Variants in GALNTL6 observed in about 807,000 individuals in gnomAD.
GALNTL6 encodes the protein polypeptide N-acetylgalactosaminyltransferase like 6.
In GALNTL6, 46 loss-of-function variants were observed where a neutral mutation model predicts 73.7. That is an observed-to-expected ratio of 0.62 (90% CI 0.49 to 0.80). The LOEUF is 0.80. GALNTL6 is among the 30% of genes least tolerant of loss of function. The probability of loss-of-function intolerance (pLI) is 0.00; values close to 1 mark genes in which losing one functional copy is unlikely to be tolerated. For synonymous variants in GALNTL6, 259 were observed against 263.7 expected (o/e 0.98, Z 0.17); for missense variants, 604 against 755.0 (o/e 0.80, Z 2.34).
intron 5 of GALNTL6, among the ~76,000 whole-genome samples, chr4:172,641,478 G>A (rs1463660352): frequency 6.6e-6 from 1 of 152,028 alleles, no homozygotes; most frequent in Non-Finnish European, 1.5e-5. Flanking sequence ...AAACACACCA[G>A]TCATGCTCCT....
chr4:172,537,973 C>A (rs1735407630), intron 5 of GALNTL6, among the ~76,000 whole-genome samples: 1 of 152,112 alleles, frequency 6.6e-6, no homozygotes, highest in Admixed American at 6.6e-5. Context: ...AGAATAGTCA[C>A]CTCCCCAAGA....
rs542186073 is a variant in GALNTL6 at position 172,209,260 on chromosome 4, A to G, written c.139-20396A>G. Among the ~76,000 whole-genome samples the G allele has an allele frequency of 2.5e-4, 38 of 152,206 alleles. No homozygotes were observed. The East Asian group carries it at 6.9e-3, about 28-fold the overall frequency. On this transcript the variant is annotated intron_variant, in intron 2 of 12. Transcript: ENST00000506823. The stretch of plus-strand genomic sequence containing the variant: ...CAGAGATTCTATGAGATATTTTAGC[A>G]TTCTGGAAATTATCCATGACAAGCT...
intron 2 of GALNTL6, among the ~76,000 whole-genome samples, chr4:172,079,919 T>C (rs1040564318): frequency 9.9e-5 from 15 of 152,260 alleles, no homozygotes; most frequent in African/African-American, 3.6e-4. Context: ...AATGTTTATG[T>C]GGTTAAATCT....
chr4:172,971,008 A>G (rs901524707), intron 10 of GALNTL6, among the ~76,000 whole-genome samples: 3 of 152,200 alleles, frequency 2.0e-5, no homozygotes, highest in African/African-American at 7.2e-5. Context: ...TGTCCGTGAA[A>G]TCTTCACAAT....
chr4:172,552,848 A>AAAAAAAAAC (rs1736009655), intron 5 of GALNTL6, among the ~76,000 whole-genome samples: 2 of 150,352 alleles, frequency 1.3e-5, no homozygotes, highest in Admixed American at 6.6e-5. Context: ...AAAAAAAAAA[A>AAAAAAAAAC]AAAAAAAAAG....
intron 3 of GALNTL6, among the ~76,000 whole-genome samples, chr4:172,280,175 A>G (rs1738992523): frequency 6.6e-6 from 1 of 152,234 alleles, no homozygotes; most frequent in Non-Finnish European, 1.5e-5. Context: ...ACCCAAACAT[A>G]TTTATCACTA....
At chr4:172,365,718 A>C (rs1742533810) in intron 5 of GALNTL6, among the ~76,000 whole-genome samples, 1 of 152,044 alleles carries the variant, frequency 6.6e-6, no homozygotes, top group Non-Finnish European at 1.5e-5. Flanking sequence ...AAAAAAAAAA[A>C]AAATCAAAAT....
chr4:171,963,263 G>A (rs1739284190), intron 2 of GALNTL6, among the ~76,000 whole-genome samples: 1 of 152,090 alleles, frequency 6.6e-6, no homozygotes, highest in Non-Finnish European at 1.5e-5. Flanking sequence ...AGCAAATGAT[G>A]TAGCTAGGAG....
chr4:172,872,329 CTATACTTCTGATTTTGATGAAT>C (rs1744989978), intron 7 of GALNTL6, among the ~76,000 whole-genome samples: 2 of 152,108 alleles, frequency 1.3e-5, no homozygotes, highest in African/African-American at 2.4e-5. Context: ...AAACAGCATC[CTATACTTCTGATTTTGATGAAT>C]TTTGACTGCC....
chr4:171,892,555 A>G (rs1034997818), intron 2 of GALNTL6, among the ~76,000 whole-genome samples: 3 of 152,136 alleles, frequency 2.0e-5, no homozygotes, highest in African/African-American at 7.2e-5. Context: ...CATTTATAAT[A>G]TAATAATTAC....
intron 2 of GALNTL6, among the ~76,000 whole-genome samples, chr4:171,969,962 G>A (rs1274546707): frequency 6.6e-6 from 1 of 152,044 alleles, no homozygotes; most frequent in Non-Finnish European, 1.5e-5. Flanking sequence ...GTAGACACGG[G>A]ATTTCACCAT....
chr4:172,765,571 CA>C (rs1738359495), intron 5 of GALNTL6, among the ~76,000 whole-genome samples: 1 of 151,826 alleles, frequency 6.6e-6, no homozygotes, highest in African/African-American at 2.4e-5. Context: ...ATTAATTGTC[CA>C]AAAATTAGCT....
chr4:172,006,696 TG>T (rs1234231034), intron 2 of GALNTL6, among the ~76,000 whole-genome samples: 2 of 152,134 alleles, frequency 1.3e-5, no homozygotes, highest in South Asian at 4.2e-4. Context: ...CTAAAGTTCT[TG>T]GGGGGAATAT....
chr4:172,155,259 A>G lies in GALNTL6; in HGVS notation c.139-74397A>G, dbSNP rs187599426. Among the ~76,000 whole-genome samples, 9 of 152,272 alleles carry G rather than the reference A, an allele frequency of 5.9e-5. No homozygotes were observed. The East Asian group carries it at 1.7e-3, about 30-fold the overall frequency. ...GTGATCCACCCGCCTCAGGCTTCCA[A>G]AGTGCTGGCATTACAGGCGTGAGCC... On this transcript the variant is annotated intron_variant, in intron 2 of 12. Coordinates refer to ENST00000506823, the MANE Select transcript of GALNTL6 (RefSeq NM_001034845.3).
intron 5 of GALNTL6, among the ~76,000 whole-genome samples, chr4:172,729,430 C>A (rs1250251466): frequency 6.6e-6 from 1 of 152,040 alleles, no homozygotes; most frequent in African/African-American, 2.4e-5. Context: ...AGGGATCTAG[C>A]TTTATTCTTC....
intron 5 of GALNTL6, among the ~76,000 whole-genome samples, chr4:172,371,434 T>C (rs987599473): frequency 1.1e-4 from 17 of 152,240 alleles, no homozygotes; most frequent in Non-Finnish European, 4.4e-5. Context: ...TACAGGGTCA[T>C]GGAGAAGACC....
At position 172,809,015 on chromosome 4, in the gene GALNTL6, G is replaced by T. The variant is rs1741133811; in HGVS notation, c.554-346G>T. ...TTTTGTTGGAAAGAGCCCATTTCCAGGATTTTCATCTGACTTTACCCAGCA... is the reference window on the plus strand; with the variant it reads ...TTTTGTTGGAAAGAGCCCATTTCCATGATTTTCATCTGACTTTACCCAGCA... On this transcript the variant is annotated intron_variant, in intron 5 of 12. Coordinates refer to ENST00000506823, the MANE Select transcript of GALNTL6 (RefSeq NM_001034845.3). This position sits in a 1 kb window ranked among gnomAD's most constrained non-coding sequence, Gnocchi z 4.4. Among the ~76,000 whole-genome samples the T allele has an allele frequency of 6.6e-6, 1 of 152,148 alleles. No individual in the cohort carries two copies. Among genetic ancestry groups the T allele is most frequent in the Non-Finnish European group, 1.5e-5 (1 of 68,020 alleles).
intron 5 of GALNTL6, among the ~76,000 whole-genome samples, chr4:172,631,613 C>T (rs1284533234): frequency 6.6e-6 from 1 of 152,180 alleles, no homozygotes; most frequent in African/African-American, 2.4e-5. Flanking sequence ...ATCTATTCAA[C>T]CATTTCAATC....
chr4:172,608,588 G>T (rs919523969), intron 5 of GALNTL6, among the ~76,000 whole-genome samples: 2 of 151,934 alleles, frequency 1.3e-5, no homozygotes, highest in African/African-American at 4.8e-5. Flanking sequence ...ATTTCTTTTT[G>T]ATTAAGATTG....
Sources: allele counts gnomAD v4.1 joint callset (sites outside exome capture counted in the v4.1 genomes callset), GRCh38; gene constraint gnomAD v4.1.1; non-coding constraint Gnocchi (gnomAD v3.1); transcripts MANE v1.5; gene names NCBI Gene and HGNC (gene_info 2026-07-23, HGNC 2026-07-21).